Variants in PDE11A observed in about 807,000 individuals in gnomAD.
PDE11A encodes the protein dual 3',5'-cyclic-AMP and -GMP phosphodiesterase 11A.
PDE11A carries 100 observed loss-of-function variants against 100.5 expected under a neutral mutation model. The observed-to-expected ratio is 1.00, with a 90% CI of 0.85 to 1.18. The LOEUF is 1.18. Among genes scored for constraint, PDE11A ranks in the 50% most tolerant of loss-of-function variants. The pLI, the probability that PDE11A is intolerant of heterozygous loss-of-function variation, is 0.00. For missense variants in PDE11A, 1,141 were observed against 1,152.6 expected, an observed-to-expected ratio of 0.99 and a Z score of 0.15; for synonymous variants, 381 against 420.8, an observed-to-expected ratio of 0.91 and a Z score of 1.16.
At chr2:178,085,968 A>G (rs2087349034) in intron 2 of PDE11A, among the ~76,000 whole-genome samples, 1 of 152,180 alleles carries the variant, frequency 6.6e-6, no homozygotes, top group African/African-American at 2.4e-5. Context: ...TTTTTAAAAG[A>G]CTGTAACTTA....
At chr2:177,893,010 A>T (rs193167753) in intron 4 of PDE11A, among the ~76,000 whole-genome samples, 13 of 151,660 alleles carry the variant, frequency 8.6e-5, no homozygotes, top group African/African-American at 3.1e-4. Flanking sequence ...GGAAGTTTCA[A>T]CTCCCCCCAC....
chr2:178,104,420 C>T lies in PDE11A; in HGVS notation c.44G>A (p.Ser15Asn), dbSNP rs779219783. 8 of 1,614,058 alleles carry T rather than the reference C, an allele frequency of 5.0e-6. No individual in the cohort carries two copies. The Middle Eastern group carries it at 6.6e-4, about 133-fold the overall frequency. The change falls in exon 2 of 21, where the codon AGT becomes AAT. Residue 15 changes from serine (S) to asparagine (N), a missense_variant. Transcript: ENST00000358450. The stretch of plus-strand genomic sequence containing the variant: ...TTTCACCTTTTTCCACTGTGTGGCA[C>T]TGAGCACATTTCTGAATAAAGGTCT...
chr2:177,879,450 C>T (rs6750238), intron 4 of PDE11A, among the ~76,000 whole-genome samples: 3,422 of 152,044 alleles, frequency 0.023, 60 homozygotes, highest in East Asian at 0.076. Flanking sequence ...AAATACGTAC[C>T]GTCTTATGTG....
At chr2:177,637,687 T>C (rs2080061430) in intron 19 of PDE11A, among the ~76,000 whole-genome samples, 2 of 150,868 alleles carry the variant, frequency 1.3e-5, no homozygotes, top group Non-Finnish European at 2.9e-5. Context: ...TCCACCATCC[T>C]GTCTTCAGCT....
chr2:177,810,387 T>C (rs1334063655), intron 9 of PDE11A, among the ~76,000 whole-genome samples: 2 of 152,190 alleles, frequency 1.3e-5, no homozygotes, highest in Admixed American at 6.5e-5. Context: ...GAGGTAAACA[T>C]ACAGACTTAC....
intron 9 of PDE11A, among the ~76,000 whole-genome samples, chr2:177,777,062 T>C (rs1227066314): frequency 2.6e-5 from 4 of 152,164 alleles, no homozygotes; most frequent in African/African-American, 9.7e-5. Context: ...CTGCTGATTG[T>C]AAGTTTCCTG....
chr2:178,006,832 G>GT (rs1471179153), intron 2 of PDE11A, among the ~76,000 whole-genome samples: 1 of 150,412 alleles, frequency 6.6e-6, no homozygotes, highest in Non-Finnish European at 1.5e-5. Flanking sequence ...AAGGGGGGGG[G>GT]GGGAAGCCAA....
At chr2:177,795,935 C>CTATATATACATATA (rs2082699915) in intron 9 of PDE11A, among the ~76,000 whole-genome samples, 1 of 67,244 alleles carries the variant, frequency 1.5e-5, no homozygotes, top group African/African-American at 3.9e-5. Flanking sequence ...TTTGTTTAAA[C>CTATATATACATATA]TATATATATA....
At position 177,697,406 on chromosome 2, in the gene PDE11A, G is replaced by T; in HGVS notation, c.2271C>A (p.Ser757=). The change falls in exon 15 of 20, where the codon TCC becomes TCA. Residue 757 remains serine, a synonymous_variant. Coordinates refer to ENST00000286063, the MANE Select transcript of PDE11A (RefSeq NM_016953.4). Reference sequence around the variant, plus strand: ...GCATAAGGTCACTATATTCCTTGGAGGACAGGTTAGCAAAGATATTGTGAC... The same window carrying T: ...GCATAAGGTCACTATATTCCTTGGATGACAGGTTAGCAAAGATATTGTGAC... ...SEGHNIFANL[S]SKEYSDLMQL... 3 of 1,587,762 alleles carry T rather than the reference G, an allele frequency of 1.9e-6. No individual in the cohort carries two copies. The highest frequency in any genetic ancestry group is 2.6e-6 in the Non-Finnish European group (3 of 1,156,278).
intron 9 of PDE11A, among the ~76,000 whole-genome samples, chr2:177,814,936 C>T (rs953992644): frequency 6.6e-6 from 1 of 152,154 alleles, no homozygotes; most frequent in African/African-American, 2.4e-5. Context: ...ATTCTAGCTC[C>T]TTCTCAAGAG....
intron 4 of PDE11A, among the ~76,000 whole-genome samples, chr2:177,896,809 A>G (rs1029746589): frequency 2.0e-5 from 3 of 152,278 alleles, no homozygotes; most frequent in Admixed American, 6.5e-5. Context: ...GAAACACTCC[A>G]TAAGTATGGC....
chr2:177,782,049 T>G (rs1313694692), intron 9 of PDE11A, among the ~76,000 whole-genome samples: 1 of 152,202 alleles, frequency 6.6e-6, no homozygotes, highest in South Asian at 2.1e-4. Flanking sequence ...TGCAAGCCAT[T>G]AAGATGCATT....
At chr2:177,738,150 A>G (rs911595084) in intron 10 of PDE11A, among the ~76,000 whole-genome samples, 1 of 151,952 alleles carries the variant, frequency 6.6e-6, no homozygotes, top group Non-Finnish European at 1.5e-5. Context: ...TTTTTTATAC[A>G]TCAGTGGGGC....
At chr2:178,050,706 G>A (rs996741563) in intron 1 of PDE11A, among the ~76,000 whole-genome samples, 43 of 152,164 alleles carry the variant, frequency 2.8e-4, no homozygotes, top group African/African-American at 8.4e-4. Flanking sequence ...ACTACGTGAC[G>A]CATGCACAAG....
intron 1 of PDE11A, among the ~76,000 whole-genome samples, chr2:178,068,338 T>G (rs972354581): frequency 1.3e-5 from 2 of 152,228 alleles, no homozygotes; most frequent in South Asian, 2.1e-4. Context: ...TGAGGGGTTT[T>G]GGGCTGTCAG....
chr2:177,932,599 G>C (rs1352137846), intron 2 of PDE11A, among the ~76,000 whole-genome samples: 1 of 152,018 alleles, frequency 6.6e-6, no homozygotes, highest in African/African-American at 2.4e-5. Flanking sequence ...AAAAGCTCTT[G>C]ATAAAAATCC....
chr2:177,869,052 T>C (rs1367851814), intron 5 of PDE11A, among the ~76,000 whole-genome samples: 1 of 152,252 alleles, frequency 6.6e-6, no homozygotes, highest in Non-Finnish European at 1.5e-5. Flanking sequence ...TGTGTGTATG[T>C]GCATGCATGC....
intron 9 of PDE11A, among the ~76,000 whole-genome samples, chr2:177,812,285 C>T (rs1295138088): frequency 6.6e-6 from 1 of 151,954 alleles, no homozygotes. Flanking sequence ...GTAGCTTGCC[C>T]AAGGTCAATA....
intron 5 of PDE11A, among the ~76,000 whole-genome samples, chr2:177,853,581 G>T (rs552115601): frequency 7.1e-6 from 1 of 139,948 alleles, no homozygotes; most frequent in Admixed American, 7.6e-5. Flanking sequence ...TGAGGGTGCT[G>T]TGGATACCTC....
Sources: allele counts gnomAD v4.1 joint callset (sites outside exome capture counted in the v4.1 genomes callset), GRCh38; gene constraint gnomAD v4.1.1; transcripts MANE v1.5; gene names NCBI Gene and HGNC (gene_info 2026-07-23, HGNC 2026-07-21).